CCDC170: variants seen among roughly 807,000 people sequenced by gnomAD.
The protein encoded by CCDC170 is coiled-coil domain-containing protein 170.
Under a neutral mutation model 72.6 loss-of-function variants are expected in CCDC170, and 69 were observed. That is an observed-to-expected ratio of 0.95 (90% CI 0.78 to 1.16). CCDC170 has a LOEUF of 1.16. CCDC170 is among the 50% of genes most tolerant of loss of function. The probability of loss-of-function intolerance (pLI) is 0.00; values close to 1 mark genes in which losing one functional copy is unlikely to be tolerated. For synonymous variants in CCDC170, 300 were observed against 303.9 expected, an observed-to-expected ratio of 0.99 and a Z score of 0.13; for missense variants, 852 against 832.5, an observed-to-expected ratio of 1.02 and a Z score of -0.29.
intron 6 of CCDC170, among the ~76,000 whole-genome samples, chr6:151,576,262 T>C (rs934302036): frequency 1.6e-4 from 25 of 152,172 alleles, no homozygotes; most frequent in Non-Finnish European, 1.0e-4. Context: ...CTGAGCACTT[T>C]TAAGGTAGGG....
At chr6:151,536,200 T>C (rs1397876667) in intron 1 of CCDC170, 118 bp from the exon 2 acceptor site, 16 of 1,180,918 alleles carry the variant, frequency 1.4e-5, no homozygotes, top group Non-Finnish European at 2.0e-5. Flanking sequence ...GCGTAGCATG[T>C]TTGACATATT....
intron 1 of CCDC170, among the ~76,000 whole-genome samples, chr6:151,515,899 C>G (rs1385949931): frequency 6.6e-6 from 1 of 151,914 alleles, no homozygotes; most frequent in Non-Finnish European, 1.5e-5. Flanking sequence ...AACCCTGTCT[C>G]TACTAAAAAT....
chr6:151,505,410 G>T lies in CCDC170; in HGVS notation c.57+11225G>T, dbSNP rs538554713. ...TTAAAAGCAAGGATTCTTACTGGGCGTGGTGGCTCATGCCTGTAATCCCAG... is the reference window on the plus strand; with the variant it reads ...TTAAAAGCAAGGATTCTTACTGGGCTTGGTGGCTCATGCCTGTAATCCCAG... On this transcript the variant is annotated intron_variant, in intron 1 of 10. Coordinates refer to ENST00000239374, the MANE Select transcript of CCDC170 (RefSeq NM_025059.4). Among the ~76,000 whole-genome samples the T allele has an allele frequency of 2.6e-5, 4 of 152,308 alleles. No individual in the cohort carries two copies. The East Asian group carries it at 7.7e-4, about 29-fold the overall frequency.
intron 10 of CCDC170, among the ~76,000 whole-genome samples, chr6:151,616,440 A>G (rs1322247669): frequency 6.7e-6 from 1 of 150,310 alleles, no homozygotes. Flanking sequence ...TCAAAAGGGC[A>G]TAGAGTGGAC....
intron 1 of CCDC170, among the ~76,000 whole-genome samples, chr6:151,524,084 A>G (rs1277594405): frequency 6.6e-6 from 1 of 152,226 alleles, no homozygotes. Flanking sequence ...TCTCATTTGC[A>G]TAAGGTGCAA....
chr6:151,548,283 C>G (rs761046342), intron 4 of CCDC170, 21 bp from the exon 5 acceptor site: 1 of 1,518,342 alleles, frequency 6.6e-7, no homozygotes, highest in Non-Finnish European at 8.9e-7. Flanking sequence ...TATAGGACAG[C>G]TGTAATTGCT....
chr6:151,593,841 T>C (rs548548286), intron 8 of CCDC170, among the ~76,000 whole-genome samples: 2 of 152,348 alleles, frequency 1.3e-5, no homozygotes, highest in East Asian at 3.9e-4. Flanking sequence ...GGCCAGAATA[T>C]GTTTTGGTGG....
chr6:151,611,811 A>G (rs149444372), intron 9 of CCDC170, among the ~76,000 whole-genome samples: 16 of 152,206 alleles, frequency 1.1e-4, no homozygotes, highest in African/African-American at 3.6e-4. Flanking sequence ...CCTGGGTTCA[A>G]GTGATTCTCC....
At chr6:151,573,523 T>C in intron 6 of CCDC170, 32 bp downstream of exon 6, 1 of 1,584,420 alleles carries the variant, frequency 6.3e-7, no homozygotes, top group South Asian at 1.1e-5. Context: ...ACAGACATCT[T>C]AAGAACAGTG....
intron 5 of CCDC170, among the ~76,000 whole-genome samples, chr6:151,559,012 C>CTTTTTTTTTTTTTTTTTTTTTTTT (rs201171602): frequency 8.0e-6 from 1 of 125,710 alleles, no homozygotes; most frequent in Non-Finnish European, 1.6e-5. Context: ...ATTAATTTAT[C>CTTTTTTTTTTTTTTTTTTTTTTTT]TTTTTTTTTT....
chr6:151,599,983 T>C (rs1416992926), intron 9 of CCDC170, among the ~76,000 whole-genome samples: 2 of 152,156 alleles, frequency 1.3e-5, no homozygotes, highest in African/African-American at 4.8e-5. Context: ...ACAGATAAGA[T>C]AATAGGAAAG....
chr6:151,573,097 T>C (rs1471336946), intron 5 of CCDC170, 77 bp from the exon 6 acceptor site: 2 of 1,354,186 alleles, frequency 1.5e-6, no homozygotes, highest in Non-Finnish European at 2.0e-6. Flanking sequence ...GCAAAGTCAA[T>C]GAATTTGCCA....
At chr6:151,564,426 C>T (rs571565703) in intron 5 of CCDC170, among the ~76,000 whole-genome samples, 10 of 151,886 alleles carry the variant, frequency 6.6e-5, no homozygotes, top group East Asian at 3.9e-4. Flanking sequence ...GTTCTTAGGC[C>T]GCAGGGTGGC....
chr6:151,558,534 T>G (rs1389441494), intron 5 of CCDC170, among the ~76,000 whole-genome samples: 2 of 152,210 alleles, frequency 1.3e-5, no homozygotes, highest in Non-Finnish European at 2.9e-5. Flanking sequence ...GTTTTAGGTT[T>G]AAGTCATTAA....
chr6:151,546,134 A>C (rs1782768856), intron 4 of CCDC170, among the ~76,000 whole-genome samples: 1 of 152,010 alleles, frequency 6.6e-6, no homozygotes, highest in Admixed American at 6.6e-5. Flanking sequence ...GAGCTTCCCA[A>C]ATGTCCTCTC....
At chr6:151,503,961 C>T (rs747839176) in intron 1 of CCDC170, among the ~76,000 whole-genome samples, 17 of 152,136 alleles carry the variant, frequency 1.1e-4, no homozygotes, top group Non-Finnish European at 1.8e-4. Context: ...ACTAAATATA[C>T]TTGGCAGCTA....
chr6:151,581,271 C>G (rs986096013), intron 6 of CCDC170, among the ~76,000 whole-genome samples: 1 of 152,208 alleles, frequency 6.6e-6, no homozygotes, highest in Admixed American at 6.5e-5. Flanking sequence ...TCAATCCTCT[C>G]AAACCTTGCT....
intron 1 of CCDC170, among the ~76,000 whole-genome samples, chr6:151,534,361 C>A (rs1204788142): frequency 6.8e-6 from 1 of 147,882 alleles, no homozygotes; most frequent in Non-Finnish European, 1.5e-5. Context: ...GGTCTAGCTT[C>A]TTTTCTTAAA....
chr6:151,505,500 G>A (rs973122120), intron 1 of CCDC170, among the ~76,000 whole-genome samples: 4 of 152,026 alleles, frequency 2.6e-5, no homozygotes, highest in Non-Finnish European at 5.9e-5. Context: ...TGGTTAACAC[G>A]GTGAAACCCT....
Sources: gnomAD v4.1 joint callset for allele counts (sites outside exome capture counted in the v4.1 genomes callset) on GRCh38, gnomAD v4.1.1 for gene constraint, MANE v1.5 for transcripts, NCBI Gene and HGNC (gene_info 2026-07-23, HGNC 2026-07-21) for gene names.